The following LINGO2 variants were observed in gnomAD, a reference collection of about 807,000 sequenced individuals.
LINGO2 encodes the protein leucine rich repeat and Ig domain containing 2, also known as leucine-rich repeat and immunoglobulin-like domain-containing nogo receptor-interacting protein 2.
Under a neutral mutation model 30.6 loss-of-function variants are expected in LINGO2, and 14 were observed. That is an observed-to-expected ratio of 0.46 (90% confidence interval 0.30 to 0.72). The LOEUF (loss-of-function observed/expected upper bound fraction) is 0.72. Among genes scored for constraint, LINGO2 ranks in the 30% least tolerant of loss-of-function variants. The probability of loss-of-function intolerance (pLI) is 0.07; values close to 1 mark genes in which losing one functional copy is unlikely to be tolerated. For missense variants in LINGO2, 729 were observed against 751.7 expected (o/e 0.97, Z 0.35); for synonymous variants, 317 against 288.5 (o/e 1.10, Z -1.00).
At chr9:29,031,466 A>G in the LINGO2 span, among the ~76,000 whole-genome samples, 23,517 of 151,866 alleles carry the variant, frequency 0.15, 2,138 homozygotes, top group South Asian at 0.2. Flanking sequence ...TATTTTTAGT[A>G]GAGACAGAGT....
rs563408962 is a variant in LINGO2, at chr9:28,338,404, G to A, written c.-246+34432C>T. Among the ~76,000 whole-genome samples, 8 of 152,240 alleles carry A rather than the reference G, an allele frequency of 5.3e-5. No individual in the cohort carries two copies. In the East Asian group the frequency reaches 9.7e-4, roughly 18 times the overall value. The stretch of plus-strand genomic sequence containing the variant: ...GGAATGGATTTTCCTTGTCTCAGAT[G>A]AGACTTTGGGTTTGGACTTTTGAGT... On this transcript the variant is annotated intron_variant, in intron 3 of 5. Coordinates refer to ENST00000379992, the Ensembl canonical transcript of LINGO2.
rs77366396 is a variant in LINGO2 at position 28,451,271 on chromosome 9, C to T, written c.-279+24669G>A. Among the ~76,000 whole-genome samples the T allele has an allele frequency of 8.6e-3, 1,301 of 151,714 alleles. 19 individuals are homozygous for T. Among genetic ancestry groups the T allele is most frequent in the African/African-American group, 0.028 (1,166 of 41,440 alleles). On this transcript the variant is annotated intron_variant, in intron 2 of 5. Coordinates refer to ENST00000379992, the Ensembl canonical transcript of LINGO2. ...AACATTATCTCTCCAGACTTTAAAA[C>T]AATTATCTGAAGAAAATAATCATTT... is the stretch of plus-strand genomic sequence containing the variant.
intron 4 of LINGO2, among the ~76,000 whole-genome samples, chr9:28,107,335 T>C (rs1007358984): frequency 6.6e-6 from 1 of 152,182 alleles, no homozygotes. Context: ...TTGAATAATT[T>C]CTAAATCTTT....
At chr9:28,439,437 T>C (rs1465491120) in intron 2 of LINGO2, among the ~76,000 whole-genome samples, 2 of 152,244 alleles carry the variant, frequency 1.3e-5, no homozygotes, top group East Asian at 1.9e-4. Flanking sequence ...CCATGTGATA[T>C]GGTTTGGTTC....
chr9:28,937,782 C>G, the LINGO2 span, among the ~76,000 whole-genome samples: 2 of 152,070 alleles, frequency 1.3e-5, no homozygotes, highest in Non-Finnish European at 2.9e-5. Context: ...CTGTTTGGAT[C>G]ATTTTTCTTT....
chr9:28,530,545 C>A (rs1428753415), intron 1 of LINGO2, among the ~76,000 whole-genome samples: 1 of 152,134 alleles, frequency 6.6e-6, no homozygotes, highest in East Asian at 1.9e-4. Context: ...AAAGTTGTTT[C>A]TTTCAAAGTG....
At chr9:28,255,167 C>T (rs1822340610) in intron 4 of LINGO2, among the ~76,000 whole-genome samples, 1 of 151,444 alleles carries the variant, frequency 6.6e-6, no homozygotes, top group African/African-American at 2.4e-5. Flanking sequence ...CTCTTTTTAC[C>T]CTTCCTTCCT....
intron 4 of LINGO2, among the ~76,000 whole-genome samples, chr9:28,173,021 G>A (rs1328789907): frequency 6.6e-6 from 1 of 152,112 alleles, no homozygotes; most frequent in Non-Finnish European, 1.5e-5. Flanking sequence ...GCTCCTAGGT[G>A]CATAACTGTC....
chr9:28,905,385 C>T, the LINGO2 span, among the ~76,000 whole-genome samples: 24 of 150,982 alleles, frequency 1.6e-4, no homozygotes, highest in African/African-American at 5.6e-4. Flanking sequence ...AAAACATTTG[C>T]AAACTATACT....
At chr9:28,400,065 T>C (rs1822198529) in intron 2 of LINGO2, among the ~76,000 whole-genome samples, 1 of 152,160 alleles carries the variant, frequency 6.6e-6, no homozygotes, top group African/African-American at 2.4e-5. Flanking sequence ...TCCACCTACA[T>C]GGACACAATG....
the LINGO2 span, among the ~76,000 whole-genome samples, chr9:29,025,445 C>T: frequency 7.2e-5 from 11 of 152,102 alleles, no homozygotes; most frequent in Admixed American, 2.0e-4. Context: ...TCCCAAGTTA[C>T]ATCTATTGTT....
intron 4 of LINGO2, among the ~76,000 whole-genome samples, chr9:28,110,319 A>C (rs1826736452): frequency 6.6e-6 from 1 of 152,248 alleles, no homozygotes; most frequent in African/African-American, 2.4e-5. Flanking sequence ...AATACCATTC[A>C]GAACATAGGC....
intron 5 of LINGO2, among the ~76,000 whole-genome samples, chr9:27,979,147 G>A (rs748938155): frequency 2.6e-5 from 4 of 151,912 alleles, no homozygotes; most frequent in Non-Finnish European, 5.9e-5. Context: ...GTCATCAGTG[G>A]GAATGGCCAC....
chr9:28,928,203 C>G, the LINGO2 span, among the ~76,000 whole-genome samples: 5 of 152,098 alleles, frequency 3.3e-5, no homozygotes, highest in East Asian at 1.9e-4. Flanking sequence ...TTTACTGAAG[C>G]CTTTTTATAT....
chr9:28,859,556 C>G, the LINGO2 span, among the ~76,000 whole-genome samples: 1 of 151,932 alleles, frequency 6.6e-6, no homozygotes, highest in Non-Finnish European at 1.5e-5. Flanking sequence ...TATTGTGATT[C>G]CCTAATTTTT....
intron 4 of LINGO2, among the ~76,000 whole-genome samples, chr9:28,152,697 C>T (rs558776157): frequency 1.3e-5 from 2 of 152,246 alleles, no homozygotes; most frequent in African/African-American, 4.8e-5. Flanking sequence ...TGGAGCTTTA[C>T]TTCATTCCCT....
the LINGO2 span, among the ~76,000 whole-genome samples, chr9:28,676,009 A>C: frequency 6.7e-6 from 1 of 150,100 alleles, no homozygotes; most frequent in Non-Finnish European, 1.5e-5. Flanking sequence ...TTTTACATGA[A>C]ATCTAGCTGT....
At chr9:28,737,903 G>C in the LINGO2 span, among the ~76,000 whole-genome samples, 5 of 152,116 alleles carry the variant, frequency 3.3e-5, no homozygotes, top group African/African-American at 1.2e-4. Flanking sequence ...TCGAGGGGAA[G>C]TTTTTATGGA....
At chr9:28,524,556 C>T (rs1372950861) in intron 1 of LINGO2, among the ~76,000 whole-genome samples, 11 of 152,098 alleles carry the variant, frequency 7.2e-5, no homozygotes, top group Admixed American at 7.2e-4. Context: ...AGTTCAAGAC[C>T]AGTCTGGCCA....
Sources: gnomAD v4.1 joint callset for allele counts (sites outside exome capture counted in the v4.1 genomes callset) on GRCh38, gnomAD v4.1.1 for gene constraint, MANE v1.5 for transcripts, NCBI Gene and HGNC (gene_info 2026-07-23, HGNC 2026-07-21) for gene names.